DNAH6: variants seen among roughly 807,000 people sequenced by gnomAD.
The protein encoded by DNAH6 is dynein axonemal heavy chain 6.
In DNAH6, 340 loss-of-function variants were observed where a neutral mutation model predicts 491.4. That is an observed-to-expected ratio of 0.69 (90% confidence interval 0.63 to 0.76). The LOEUF (loss-of-function observed/expected upper bound fraction) is 0.76. Among genes scored for constraint, DNAH6 ranks in the 30% least tolerant of loss-of-function variants. DNAH6 has a pLI of 0.00. For missense variants in DNAH6, 4,443 were observed against 4,972.2 expected, an observed-to-expected ratio of 0.89 and a Z score of 3.20; for synonymous variants, 1,603 against 1,686.1, an observed-to-expected ratio of 0.95 and a Z score of 1.21.
intron 63 of DNAH6, 74 bp from the exon 64 acceptor site, chr2:84,762,681 C>G: frequency 1.8e-6 from 2 of 1,098,190 alleles, no homozygotes; most frequent in Non-Finnish European, 2.6e-6. Flanking sequence ...CTCTGAGGAG[C>G]TGAAGGAGAA....
At chr2:84,617,198 T>C (rs1686940600) in intron 23 of DNAH6, among the ~76,000 whole-genome samples, 1 of 147,902 alleles carries the variant, frequency 6.8e-6, no homozygotes, top group South Asian at 2.1e-4. Context: ...AGTAAGATGC[T>C]GAAACAATTT....
intron 22 of DNAH6, among the ~76,000 whole-genome samples, chr2:84,615,824 G>A (rs926939324): frequency 6.6e-6 from 1 of 151,848 alleles, no homozygotes; most frequent in African/African-American, 2.4e-5. Context: ...TGTAAAAGGG[G>A]TTGAGTTCTT....
intron 37 of DNAH6, among the ~76,000 whole-genome samples, chr2:84,659,822 A>G (rs1691322287): frequency 1.3e-5 from 2 of 152,224 alleles, no homozygotes; most frequent in South Asian, 4.1e-4. Flanking sequence ...TCTCTACAAA[A>G]AATTTTTTTA....
chr2:84,722,124 G>C (rs2104931346), intron 59 of DNAH6, among the ~76,000 whole-genome samples: 1 of 152,288 alleles, frequency 6.6e-6, no homozygotes, highest in East Asian at 1.9e-4. Context: ...CTATACCTGG[G>C]AATACTAGGT....
chr2:84,580,328 A>G (rs3892415), intron 14 of DNAH6, among the ~76,000 whole-genome samples: 14 of 64,106 alleles, frequency 2.2e-4, no homozygotes, highest in Admixed American at 6.4e-4. Flanking sequence ...ACACACACAC[A>G]CACACACACA....
chr2:84,610,676 A>G (rs995552481), intron 21 of DNAH6, among the ~76,000 whole-genome samples: 1 of 152,206 alleles, frequency 6.6e-6, no homozygotes, highest in Non-Finnish European at 1.5e-5. Context: ...ACATTTCTAG[A>G]CATGCTAATA....
rs1276142729 is a variant in DNAH6, at chr2:84,707,646, C to G, written c.8978C>G (p.Thr2993Ser). Residue 2993 changes from threonine to serine, a missense_variant, in exon 54 of 77, where the codon ACT (threonine) becomes AGT (serine). By Grantham distance (58) the Thr-to-Ser change is moderately conservative. Around this residue, in one of 3 missense-constraint regions of DNAH6, gnomAD observed 1,463 missense variants for 1,656.6 expected, o/e 0.88. Coordinates refer to ENST00000389394, the MANE Select transcript of DNAH6 (RefSeq NM_001370.2). The part of the protein sequence containing the change: ...QKFEEEISNI[T>S]GNVFIAAACV... ...TTTGAGGAAGAAATATCAAATATCA[C>G]TGGGAACGTGTTCATAGCAGCAGCT... The G allele has an allele frequency of 6.4e-7, 1 of 1,552,338 alleles. No homozygotes were observed. The highest frequency in any genetic ancestry group is 1.2e-5 in the South Asian group (1 of 84,070).
chr2:84,678,378 A>G (rs1347580614), intron 41 of DNAH6, among the ~76,000 whole-genome samples: 1 of 152,142 alleles, frequency 6.6e-6, no homozygotes, highest in Non-Finnish European at 1.5e-5. Flanking sequence ...GAGAACTTTT[A>G]TATTTATATT....
At chr2:84,679,812 C>T (rs1331441905) in intron 41 of DNAH6, among the ~76,000 whole-genome samples, 2 of 152,178 alleles carry the variant, frequency 1.3e-5, no homozygotes, top group Non-Finnish European at 2.9e-5. Flanking sequence ...CATCCCTGTC[C>T]TCATGGATCT....
intron 63 of DNAH6, among the ~76,000 whole-genome samples, chr2:84,755,728 G>A (rs1316819232): frequency 6.6e-6 from 1 of 152,132 alleles, no homozygotes; most frequent in Non-Finnish European, 1.5e-5. Context: ...CCTGATCTTA[G>A]AAGAAAAGCA....
At chr2:84,617,126 G>A (rs181801856) in intron 23 of DNAH6, 144 bp downstream of exon 23, 53 of 544,882 alleles carry the variant, frequency 9.7e-5, no homozygotes, top group Admixed American at 2.5e-4. Context: ...ACTAGTTATC[G>A]TAATTGAGGA....
intron 58 of DNAH6, 40 bp downstream of exon 58, chr2:84,715,667 G>T: frequency 1.3e-6 from 2 of 1,517,998 alleles, no homozygotes; most frequent in African/African-American, 1.4e-5. Context: ...AGGGGGTATT[G>T]TGGGTTTCCT....
At chr2:84,801,388 T>C (rs1678897906) in intron 70 of DNAH6, among the ~76,000 whole-genome samples, 1 of 151,972 alleles carries the variant, frequency 6.6e-6, no homozygotes, top group South Asian at 2.1e-4. Flanking sequence ...AGAGAACTCC[T>C]GCAAGATACT....
chr2:84,748,294 G>A (rs181877867), intron 63 of DNAH6, among the ~76,000 whole-genome samples: 9 of 152,146 alleles, frequency 5.9e-5, no homozygotes, highest in African/African-American at 1.7e-4. Context: ...ATTATAAGTC[G>A]CAACTTTAAG....
intron 33 of DNAH6, among the ~76,000 whole-genome samples, chr2:84,649,350 G>T (rs919004898): frequency 6.6e-6 from 1 of 152,102 alleles, no homozygotes; most frequent in African/African-American, 2.4e-5. Flanking sequence ...CATAATAGGA[G>T]CTCATATTTT....
chr2:84,669,420 A>G lies in DNAH6; in HGVS notation c.6216A>G (p.Thr2072=). ...DVPFFEMLVP[T]TDTVRYGYLM... ...CATTTTTTGAAATGCTTGTCCCCACAACTGACACAGTGCGCTATGGGTATC... is the reference window on the plus strand; with the variant it reads ...CATTTTTTGAAATGCTTGTCCCCACGACTGACACAGTGCGCTATGGGTATC... Residue 2072 remains threonine, a synonymous_variant, in exon 38 of 77, where the codon ACA becomes ACG. Transcript: ENST00000389394. The G allele has an allele frequency of 6.4e-7, 1 of 1,552,084 alleles. No individual in the cohort carries two copies. Among genetic ancestry groups the G allele is most frequent in the Non-Finnish European group, 8.7e-7 (1 of 1,147,054 alleles).
chr2:84,613,739 A>G (rs1466120077), intron 22 of DNAH6, among the ~76,000 whole-genome samples: 1 of 152,068 alleles, frequency 6.6e-6, no homozygotes, highest in African/African-American at 2.4e-5. Context: ...TTGTACTCCT[A>G]GCCCCTCAAA....
the DNAH6 span, among the ~76,000 whole-genome samples, chr2:84,496,536 T>C: frequency 1.3e-5 from 2 of 152,182 alleles, no homozygotes; most frequent in African/African-American, 4.8e-5. Flanking sequence ...ACCAGAGATA[T>C]TCATGTGAAT....
intron 22 of DNAH6, among the ~76,000 whole-genome samples, chr2:84,613,068 CTT>C (rs1193531768): frequency 1.3e-5 from 2 of 151,764 alleles, no homozygotes; most frequent in Admixed American, 1.3e-4. Flanking sequence ...AGAATAGAGA[CTT>C]ATATAGATCA....
Sources: gnomAD v4.1 joint callset for allele counts (sites outside exome capture counted in the v4.1 genomes callset) on GRCh38, gnomAD v4.1.1 for gene constraint, gnomAD v4.1.1 regional missense constraint, MANE v1.5 for transcripts, NCBI Gene and HGNC (gene_info 2026-07-23, HGNC 2026-07-21) for gene names.